The following ZNF44 variants were observed in gnomAD, a reference collection of about 807,000 sequenced individuals.
ZNF44 encodes the protein zinc finger protein 44.
ZNF44 carries 9 observed loss-of-function variants against 11.7 expected under a neutral mutation model. The ratio of observed to expected loss-of-function variants is 0.77; its 90% CI spans 0.46 to 1.35. The LOEUF is 1.35. ZNF44 is among the 40% of genes most tolerant of loss of function. The probability of loss-of-function intolerance (pLI) is 0.00; values close to 1 mark genes in which losing one functional copy is unlikely to be tolerated. For missense variants in ZNF44, 696 were observed against 743.1 expected (o/e 0.94, Z 0.74); for synonymous variants, 224 against 242.7 (o/e 0.92, Z 0.72).
chr19:12,235,547 T>C (rs912698513), intron 1 of ZNF44, among the ~76,000 whole-genome samples: 2 of 152,206 alleles, frequency 1.3e-5, no homozygotes, highest in Non-Finnish European at 2.9e-5. Flanking sequence ...CTCATGATCA[T>C]AGATCCTAAA....
chr19:12,279,921 T>TTGTG (rs60414721), intron 1 of ZNF44, among the ~76,000 whole-genome samples: 7,406 of 143,916 alleles, frequency 0.051, 315 homozygotes, highest in East Asian at 0.24. Flanking sequence ...GAAATTCAGA[T>TTGTG]TGTGTGTGTG....
At chr19:12,277,278 T>A (rs575674159) in intron 1 of ZNF44, among the ~76,000 whole-genome samples, 1 of 152,146 alleles carries the variant, frequency 6.6e-6, no homozygotes, top group Non-Finnish European at 1.5e-5. Flanking sequence ...TAGTTAAGTA[T>A]GACAAAAGAC....
chr19:12,294,277 A>G (rs1392260484), intron 1 of ZNF44, among the ~76,000 whole-genome samples: 1 of 151,976 alleles, frequency 6.6e-6, no homozygotes, highest in African/African-American at 2.4e-5. Flanking sequence ...CCAGACCCCT[A>G]AACACCCCAT....
chr19:12,233,028 A>G (rs923766883), intron 2 of ZNF44, among the ~76,000 whole-genome samples: 2 of 152,208 alleles, frequency 1.3e-5, no homozygotes, highest in Admixed American at 6.5e-5. Context: ...CAAAAACTCT[A>G]AATCCAAAGG....
At chr19:12,239,081 A>G (rs1916509037), upstream of ZNF44, among the ~76,000 whole-genome samples, 1 of 152,164 alleles carries the variant, frequency 6.6e-6, no homozygotes, top group Admixed American at 6.5e-5. Context: ...CATTCTCCAG[A>G]AGACAACCCA....
intron 2 of ZNF44, chr19:12,234,648 A>T (rs932394315): frequency 6.6e-6 from 1 of 152,164 alleles, no homozygotes; most frequent in South Asian, 2.1e-4. Context: ...TGACTAAAGG[A>T]AAAAAATAGT....
At chr19:12,250,294 T>C (rs767264213) in exon 6 of ZNF44, 1 of 1,366,854 alleles carries the variant, frequency 7.3e-7, no homozygotes, top group East Asian at 4.5e-5. Flanking sequence ...TGTAGAGTTT[T>C]TTCTGTGAAG....
chr19:12,283,719 A>G (rs1442789681), intron 1 of ZNF44, among the ~76,000 whole-genome samples: 1 of 152,204 alleles, frequency 6.6e-6, no homozygotes, highest in African/African-American at 2.4e-5. Context: ...TTGAACTCTA[A>G]TTACATTAAG....
chr19:12,225,683 G>A (rs1915885228), downstream of ZNF44, among the ~76,000 whole-genome samples: 3 of 152,190 alleles, frequency 2.0e-5, no homozygotes, highest in Non-Finnish European at 2.9e-5. Context: ...AGTGAGTAAA[G>A]CAATTCCCAC....
At chr19:12,256,587 C>T (rs1460962398) in intron 5 of ZNF44, among the ~76,000 whole-genome samples, 1 of 152,036 alleles carries the variant, frequency 6.6e-6, no homozygotes. Flanking sequence ...GTCAGTGCCT[C>T]TTACATTCTA....
intron 1 of ZNF44, among the ~76,000 whole-genome samples, chr19:12,282,421 CTTTTTTTTTTT>C (rs59865823): frequency 1.6e-5 from 2 of 126,238 alleles, no homozygotes; most frequent in East Asian, 4.5e-4. Context: ...GAGAAGTCTT[CTTTTTTTTTTT>C]TTTTTTTGAG....
chr19:12,278,212 C>A (rs763908244), intron 1 of ZNF44, among the ~76,000 whole-genome samples: 5 of 152,248 alleles, frequency 3.3e-5, no homozygotes, highest in Non-Finnish European at 7.3e-5. Context: ...CATGGGCCAT[C>A]TGTGCCTTAA....
chr19:12,260,541 C>T (rs1326863163), intron 5 of ZNF44: 5 of 879,922 alleles, frequency 5.7e-6, no homozygotes, highest in African/African-American at 3.4e-5. Flanking sequence ...CTCCTGAGCC[C>T]CCTGCCCCCA....
downstream of ZNF44, among the ~76,000 whole-genome samples, chr19:12,245,217 G>GAAT (rs1277146253): frequency 2.0e-5 from 3 of 152,064 alleles, no homozygotes; most frequent in Non-Finnish European, 4.4e-5. Context: ...AATGTATAAT[G>GAAT]AATAACCTGA....
rs987228756 is a variant in ZNF44, at chr19:12,276,071, G to T, written c.15C>A (p.Ala5=). MDSV[A]FEDVAVNFTH... ...TGAAGTTCACAGCCACATCCTCAAA[G>T]GCCACTGAGTCCTGAAACATCCCAT... is the stretch of plus-strand genomic sequence containing the variant. Residue 5 remains alanine, a synonymous_variant, in exon 2 of 4, where the codon GCC becomes GCA. Transcript: ENST00000355684. 5.0e-6 allele frequency: 8 copies of T among 1,605,820 alleles called. No homozygotes were observed. The African/African-American group carries it at 9.4e-5, about 19-fold the overall frequency.
In ZNF44 at chr19:12,250,049, G is replaced by T. The variant is rs750890027; in HGVS notation, c.*126-11C>A. ...CTTTTTGTTTTGTTCCTGAAATGCA[G>T]ACCCAGAAAAAATTATCATAAATTA... On this transcript the variant is annotated splice_polypyrimidine_tract_variant and intron_variant and NMD_transcript_variant, in intron 6 of 7. Transcript: ENST00000393337. The T allele has an allele frequency of 2.3e-6, 3 of 1,276,680 alleles. No homozygotes were observed. The South Asian group carries it at 3.9e-5, about 17-fold the overall frequency. The allele number at this position is 1,276,680 out of a possible 1,614,324, so 79.1% of individuals were successfully genotyped here. A position where few individuals can be genotyped will look rare whatever the true frequency, so the allele number is the denominator to read the frequency against.
chr19:12,226,360 T>C (rs918470239), exon 4 of ZNF44: 3 of 152,328 alleles, frequency 2.0e-5, no homozygotes, highest in Middle Eastern at 3.4e-3. Flanking sequence ...GAAAGTGACA[T>C]TCTTTACTTA....
chr19:12,285,892 G>A (rs915125777), intron 1 of ZNF44, among the ~76,000 whole-genome samples: 4 of 151,892 alleles, frequency 2.6e-5, no homozygotes, highest in Non-Finnish European at 5.9e-5. Context: ...GGTGGCGGGC[G>A]CCTGTAGTCC....
At chr19:12,291,885 G>A (rs1222249942) in intron 1 of ZNF44, among the ~76,000 whole-genome samples, 5 of 151,186 alleles carry the variant, frequency 3.3e-5, no homozygotes, top group Admixed American at 6.6e-5. Context: ...CCAGCTATTC[G>A]GGAGGCTGAG....
Sources: allele counts gnomAD v4.1 joint callset (sites outside exome capture counted in the v4.1 genomes callset), GRCh38; gene constraint gnomAD v4.1.1; transcripts MANE v1.5; gene names NCBI Gene and HGNC (gene_info 2026-07-23, HGNC 2026-07-21).